CSMD1: variants seen among roughly 807,000 people sequenced by gnomAD.
The protein encoded by CSMD1 is CUB and Sushi multiple domains 1.
A neutral mutation model predicts 417.5 loss-of-function variants in CSMD1; 213 were observed. The observed-to-expected ratio is 0.51, with a 90% CI of 0.46 to 0.57. The LOEUF is 0.57. CSMD1 is among the 20% of genes least tolerant of loss of function. CSMD1 has a pLI of 0.00. For missense variants in CSMD1, 6,923 were observed against 4,529.7 expected (o/e 1.53, Z -15.17); for synonymous variants, 2,862 against 1,736.8 (o/e 1.65, Z -16.11).
chr8:3,251,411 G>A (rs1003990742), intron 26 of CSMD1, among the ~76,000 whole-genome samples: 2 of 149,324 alleles, frequency 1.3e-5, no homozygotes, highest in African/African-American at 2.5e-5. Flanking sequence ...CTGTTCTGTT[G>A]CATTGGTCTA....
At chr8:4,801,438 G>A (rs553416259) in intron 1 of CSMD1, among the ~76,000 whole-genome samples, 1 of 151,392 alleles carries the variant, frequency 6.6e-6, no homozygotes, top group Non-Finnish European at 1.5e-5. Context: ...GCTACTCTTA[G>A]CGGACTTGAC....
At chr8:4,098,811 G>C (rs951340317) in intron 3 of CSMD1, among the ~76,000 whole-genome samples, 2 of 152,132 alleles carry the variant, frequency 1.3e-5, no homozygotes, top group East Asian at 1.9e-4. Context: ...GTCATAAAAA[G>C]TTGTCTCTTC....
intron 7 of CSMD1, among the ~76,000 whole-genome samples, chr8:3,694,112 G>T (rs77274937): frequency 0.028 from 4,222 of 151,838 alleles, 196 homozygotes; most frequent in African/African-American, 0.097. Flanking sequence ...TTGGGTATAG[G>T]TGTGTTTGCT....
rs1410603793 is a variant in CSMD1, at chr8:4,746,467, C to T, written c.86-108909G>A. Among the ~76,000 whole-genome samples the T allele has an allele frequency of 2.6e-5, 4 of 152,216 alleles. No homozygotes were observed. In the East Asian group the frequency reaches 7.7e-4, roughly 29 times the overall value. On this transcript the variant is annotated intron_variant, in intron 1 of 69. Transcript: ENST00000635120. ...CTTGCTCACCACAATATCAGGCTCC[C>T]TCAAGAATGAGTGATTCGTGTCTTT...
At chr8:4,289,530 C>T (rs1453623337) in intron 3 of CSMD1, among the ~76,000 whole-genome samples, 2 of 152,170 alleles carry the variant, frequency 1.3e-5, no homozygotes, top group African/African-American at 4.8e-5. Flanking sequence ...CAAGATGTAA[C>T]ACTTTCAGAT....
rs1156527187 is a variant in CSMD1, at chr8:4,139,956, A to G, written c.416-107857T>C. Among the ~76,000 whole-genome samples, 3 of 133,270 alleles carry G rather than the reference A, an allele frequency of 2.3e-5. 1 individual carries two copies. The highest frequency in any genetic ancestry group is 1.5e-4 in the Admixed American group (2 of 13,090). The allele number at this position is 133,270 out of a possible 152,430, so 87.4% of individuals were successfully genotyped here. On this transcript the variant is annotated intron_variant, in intron 3 of 69. Transcript: ENST00000635120. ...AGGAAGTGTGGATGGCAGCAAGGGC[A>G]GGTGAAACTATGTTTATGTGGGCAG... is the stretch of plus-strand genomic sequence containing the variant.
At chr8:4,362,830 T>C (rs1000307192) in intron 3 of CSMD1, among the ~76,000 whole-genome samples, 3 of 152,228 alleles carry the variant, frequency 2.0e-5, no homozygotes, top group African/African-American at 7.2e-5. Flanking sequence ...TAATATGGGA[T>C]AGTTGTTCCC....
intron 17 of CSMD1, among the ~76,000 whole-genome samples, chr8:3,394,028 A>ATATATATATG (rs1811531011): frequency 1.4e-5 from 1 of 70,112 alleles, no homozygotes; most frequent in African/African-American, 6.0e-5. Flanking sequence ...ATATATATAT[A>ATATATATATG]TATATATATA....
intron 10 of CSMD1, among the ~76,000 whole-genome samples, chr8:3,544,360 A>G (rs1200283485): frequency 1.3e-5 from 2 of 152,216 alleles, no homozygotes; most frequent in Non-Finnish European, 2.9e-5. Context: ...AAACCCTTGT[A>G]GCAAAGAACA....
intron 42 of CSMD1, among the ~76,000 whole-genome samples, chr8:3,114,060 AAC>A (rs1816701791): frequency 6.6e-6 from 1 of 151,442 alleles, no homozygotes; most frequent in Non-Finnish European, 1.5e-5. Context: ...TATTAAAACA[AAC>A]AAACAAACAA....
intron 52 of CSMD1, among the ~76,000 whole-genome samples, chr8:3,013,185 C>T (rs931880334): frequency 1.3e-5 from 2 of 152,178 alleles, no homozygotes; most frequent in Non-Finnish European, 2.9e-5. Flanking sequence ...TGGAAGTATG[C>T]ACATATGATG....
At chr8:3,592,137 T>C (rs1800876702) in intron 8 of CSMD1, among the ~76,000 whole-genome samples, 1 of 152,084 alleles carries the variant, frequency 6.6e-6, no homozygotes, top group Non-Finnish European at 1.5e-5. Flanking sequence ...GATAGATGAA[T>C]GGATAGGTAA....
chr8:3,996,445 T>TG (rs1815228385), intron 5 of CSMD1, among the ~76,000 whole-genome samples: 1 of 14,618 alleles, frequency 6.8e-5, no homozygotes, highest in Admixed American at 1.0e-3. Context: ...ATTTTTAAGA[T>TG]TTTTTTTTTA....
intron 2 of CSMD1, among the ~76,000 whole-genome samples, chr8:4,459,967 G>A (rs940767619): frequency 2.0e-5 from 3 of 152,032 alleles, no homozygotes; most frequent in East Asian, 1.9e-4. Flanking sequence ...GAACAATCTA[G>A]CCAAAATGAC....
intron 4 of CSMD1, among the ~76,000 whole-genome samples, chr8:4,022,992 G>A (rs146438064): frequency 0.011 from 1,600 of 152,226 alleles, 32 homozygotes; most frequent in African/African-American, 0.035. Flanking sequence ...GGCAAAGATG[G>A]GACAGTCTTT....
chr8:3,465,999 G>C (rs775870167), intron 12 of CSMD1, among the ~76,000 whole-genome samples: 6 of 152,108 alleles, frequency 3.9e-5, no homozygotes, highest in Non-Finnish European at 7.4e-5. Flanking sequence ...ACACCCCTCA[G>C]TTGGGTTTAC....
chr8:4,040,249 T>A (rs1323272674), intron 3 of CSMD1, among the ~76,000 whole-genome samples: 2 of 152,222 alleles, frequency 1.3e-5, no homozygotes, highest in Non-Finnish European at 2.9e-5. Flanking sequence ...ATTTCTGCCT[T>A]ATCATAATAA....
chr8:4,521,937 G>C (rs1163255185), intron 2 of CSMD1, among the ~76,000 whole-genome samples: 2 of 152,248 alleles, frequency 1.3e-5, no homozygotes, highest in South Asian at 4.1e-4. Flanking sequence ...CATTTTAAGG[G>C]ATCATTATGA....
intron 5 of CSMD1, among the ~76,000 whole-genome samples, chr8:3,833,855 C>A (rs1439281086): frequency 6.6e-6 from 1 of 152,090 alleles, no homozygotes; most frequent in Non-Finnish European, 1.5e-5. Context: ...CTTTAACTCC[C>A]AAACTTTGAT....
Sources: allele counts gnomAD v4.1 joint callset (sites outside exome capture counted in the v4.1 genomes callset), GRCh38; gene constraint gnomAD v4.1.1; transcripts MANE v1.5; gene names NCBI Gene and HGNC (gene_info 2026-07-23, HGNC 2026-07-21).